The following AGBL4 variants were observed in gnomAD, a reference collection of about 807,000 sequenced individuals.
AGBL4 encodes the protein AGBL carboxypeptidase 4.
AGBL4 carries 58 observed loss-of-function variants against 66.4 expected under a neutral mutation model. The observed-to-expected ratio is 0.87, with a 90% CI of 0.71 to 1.09. The LOEUF (loss-of-function observed/expected upper bound fraction) is 1.09. AGBL4 is among the 50% of genes least tolerant of loss of function. The pLI is 0.00. For synonymous variants in AGBL4, 234 were observed against 222.9 expected (o/e 1.05, Z -0.44); for missense variants, 579 against 631.0 (o/e 0.92, Z 0.88).
intron 3 of AGBL4, among the ~76,000 whole-genome samples, chr1:49,425,157 T>A (rs944390763): frequency 6.6e-6 from 1 of 152,166 alleles, no homozygotes; most frequent in South Asian, 2.1e-4. Context: ...TCTTAAAGTT[T>A]ATGTACGAAG....
chr1:48,897,872 C>T (rs1296515923), intron 5 of AGBL4, among the ~76,000 whole-genome samples: 2 of 148,562 alleles, frequency 1.3e-5, no homozygotes, highest in Non-Finnish European at 1.5e-5. Context: ...TGCAGTGGCA[C>T]GATCTCGGTT....
intron 3 of AGBL4, among the ~76,000 whole-genome samples, chr1:49,280,906 C>T (rs955113168): frequency 6.6e-6 from 1 of 151,750 alleles, no homozygotes; most frequent in Non-Finnish European, 1.5e-5. Flanking sequence ...TGTCAGATAG[C>T]AATAATTACA....
the AGBL4 span, among the ~76,000 whole-genome samples, chr1:48,524,830 T>G: frequency 6.6e-6 from 1 of 151,722 alleles, no homozygotes; most frequent in South Asian, 2.1e-4. Context: ...CCTGTCGTAG[T>G]CTCTCCCCAG....
At chr1:49,077,557 T>C (rs1166969522) in intron 4 of AGBL4, among the ~76,000 whole-genome samples, 2 of 152,174 alleles carry the variant, frequency 1.3e-5, no homozygotes, top group Non-Finnish European at 2.9e-5. Context: ...GTCAAGTACA[T>C]GGATGATGGC....
intron 1 of AGBL4, among the ~76,000 whole-genome samples, chr1:49,943,294 G>T (rs1024860416): frequency 6.6e-6 from 1 of 152,138 alleles, no homozygotes; most frequent in African/African-American, 2.4e-5. Flanking sequence ...GTAGATTGCA[G>T]TTCCCACTCC....
intron 8 of AGBL4, among the ~76,000 whole-genome samples, chr1:48,645,223 A>T (rs1295003653): frequency 3.3e-5 from 5 of 152,164 alleles, no homozygotes; most frequent in Non-Finnish European, 7.3e-5. Context: ...CTCAGGTTAC[A>T]TAAAGCAGGA....
chr1:49,364,575 T>C (rs1486577214), intron 3 of AGBL4, among the ~76,000 whole-genome samples: 2 of 152,054 alleles, frequency 1.3e-5, no homozygotes, highest in Non-Finnish European at 2.9e-5. Flanking sequence ...CCTCCCAGGT[T>C]CAAGCGATTC....
intron 4 of AGBL4, among the ~76,000 whole-genome samples, chr1:49,161,735 A>G (rs1646545808): frequency 6.6e-6 from 1 of 151,828 alleles, no homozygotes; most frequent in Admixed American, 6.6e-5. Flanking sequence ...CTGTCTCTCA[A>G]TTTTCCCTTT....
At chr1:49,257,376 C>T in intron 3 of AGBL4, 1 of 160,518 alleles carries the variant, frequency 6.2e-6, no homozygotes, top group East Asian at 1.8e-4. Flanking sequence ...TCAGCAATGG[C>T]GGGCGCCCCT....
chr1:49,384,218 A>G (rs1472294742), intron 3 of AGBL4, among the ~76,000 whole-genome samples: 4 of 152,194 alleles, frequency 2.6e-5, no homozygotes, highest in Non-Finnish European at 1.5e-5. Context: ...TAATATACAG[A>G]GCATATTTTT....
At chr1:49,511,276 T>C (rs1289746502) in intron 3 of AGBL4, among the ~76,000 whole-genome samples, 1 of 151,458 alleles carries the variant, frequency 6.6e-6, no homozygotes, top group Non-Finnish European at 1.5e-5. Context: ...TATGCAGCCA[T>C]AAAAAATGAT....
chr1:49,258,707 A>G (rs1652793199), intron 3 of AGBL4, among the ~76,000 whole-genome samples: 6 of 152,216 alleles, frequency 3.9e-5, no homozygotes, highest in African/African-American at 1.4e-4. Flanking sequence ...GACGGGGAGA[A>G]TGGAACCAAG....
At chr1:49,682,777 C>T (rs1355295539) in intron 3 of AGBL4, among the ~76,000 whole-genome samples, 1 of 152,192 alleles carries the variant, frequency 6.6e-6, no homozygotes, top group South Asian at 2.1e-4. Context: ...TCTGCATTTT[C>T]ATTTTTCACT....
At chr1:49,864,982 G>C (rs1283411881) in intron 1 of AGBL4, among the ~76,000 whole-genome samples, 5 of 152,150 alleles carry the variant, frequency 3.3e-5, no homozygotes, top group Non-Finnish European at 7.3e-5. Flanking sequence ...CAGCTGATGT[G>C]GCAGATCTTG....
intron 3 of AGBL4, among the ~76,000 whole-genome samples, chr1:49,336,123 T>A (rs911334629): frequency 1.3e-5 from 2 of 152,164 alleles, no homozygotes; most frequent in African/African-American, 4.8e-5. Context: ...AATGGTTTAT[T>A]TCCAGTCCAA....
At chr1:48,938,843 G>A (rs976476517) in intron 5 of AGBL4, among the ~76,000 whole-genome samples, 2 of 152,080 alleles carry the variant, frequency 1.3e-5, no homozygotes, top group African/African-American at 4.8e-5. Context: ...CAATATTTGT[G>A]TTTAACTTCA....
chr1:48,538,168 G>T (rs1644004538), intron 12 of AGBL4, among the ~76,000 whole-genome samples: 1 of 152,046 alleles, frequency 6.6e-6, no homozygotes, highest in African/African-American at 2.4e-5. Flanking sequence ...CTATGACATG[G>T]GGCTAAGAGA....
rs951482149 is a variant in AGBL4 at position 49,719,937 on chromosome 1, T to C, written c.158-22500A>G. Among the ~76,000 whole-genome samples the C allele has an allele frequency of 7.2e-5, 11 of 152,218 alleles. No individual in the cohort carries two copies. In the East Asian group the frequency reaches 2.1e-3, roughly 29 times the overall value. On this transcript the variant is annotated intron_variant, in intron 2 of 13. Transcript: ENST00000371839. ...CCCTTCCACCATGACTGTAAGTTTC[T>C]CGAGGCCTCTCCAGCCATGGTAAAC...
intron 1 of AGBL4, among the ~76,000 whole-genome samples, chr1:49,948,023 T>TAA (rs1193164026): frequency 1.2e-5 from 1 of 84,068 alleles, no homozygotes; most frequent in African/African-American, 6.5e-5. Flanking sequence ...TATAAATATA[T>TAA]ATAAATATAT....
Sources: allele counts gnomAD v4.1 joint callset (sites outside exome capture counted in the v4.1 genomes callset), GRCh38; gene constraint gnomAD v4.1.1; transcripts MANE v1.5; gene names NCBI Gene and HGNC (gene_info 2026-07-23, HGNC 2026-07-21).